Variants in BCAS3 observed in about 807,000 individuals in gnomAD.
BCAS3 encodes BCAS3 microtubule associated cell migration factor, also known as BCAS4/BCAS3 fusion.
Under a neutral mutation model 116.1 loss-of-function variants are expected in BCAS3, and 53 were observed. That is an observed-to-expected ratio of 0.46 (90% CI 0.37 to 0.57). BCAS3 has a LOEUF of 0.57. Ranked by LOEUF, BCAS3 falls within the 20% of genes least tolerant of loss-of-function variation. The pLI is 0.00. For missense variants in BCAS3, 917 were observed against 1,165.4 expected (o/e 0.79, Z 3.10); for synonymous variants, 391 against 408.2 (o/e 0.96, Z 0.51).
In BCAS3 at chr17:61,321,475, G is replaced by A. The variant is rs147020775; in HGVS notation, c.2426-46852G>A. On this transcript the variant is annotated intron_variant, in intron 22 of 23. Coordinates refer to ENST00000407086, the MANE Select transcript of BCAS3 (RefSeq NM_017679.5). ...GAAATGCATGAGCAAAAGCAGCAAT[G>A]GTGAGTGGCTGATGACCTCAAGAAG... is the stretch of plus-strand genomic sequence containing the variant. Among the ~76,000 whole-genome samples, 26 of 152,320 alleles carry A rather than the reference G, an allele frequency of 1.7e-4. No homozygotes were observed. The East Asian group carries it at 4.3e-3, about 25-fold the overall frequency.
At chr17:61,254,967 C>T (rs977656102) in intron 22 of BCAS3, among the ~76,000 whole-genome samples, 1 of 152,018 alleles carries the variant, frequency 6.6e-6, no homozygotes, top group African/African-American at 2.4e-5. Flanking sequence ...AAAATTCTGA[C>T]ATTGCCTGGT....
chr17:61,142,812 A>G (rs952154994), intron 22 of BCAS3, among the ~76,000 whole-genome samples: 5 of 152,308 alleles, frequency 3.3e-5, no homozygotes, highest in East Asian at 1.9e-4. Context: ...TGATGGATGC[A>G]TGGGTTTTAT....
In BCAS3 at chr17:61,241,084, ACT is replaced by A. The variant is rs1334306993; in HGVS notation, c.2426-127240_2426-127239del. On this transcript the variant is annotated intron_variant, in intron 22 of 23. Transcript: ENST00000407086. The surrounding 1 kb of genome is among the most constrained non-coding windows in gnomAD (Gnocchi z 4.6). ...CTCTCCATCACTTACCCTTCAAAAG[ACT>A]CTGAATAGCAATTACAATACAGTTA... is the stretch of plus-strand genomic sequence containing the variant. 2.6e-5 allele frequency among the ~76,000 whole-genome samples: 4 copies of A among 152,114 alleles called. No individual in the cohort carries two copies. Among genetic ancestry groups the A allele is most frequent in the Admixed American group, 1.3e-4 (2 of 15,274 alleles).
chr17:60,980,513 T>A (rs1028783551), intron 14 of BCAS3: 2 of 151,748 alleles, frequency 1.3e-5, no homozygotes, highest in African/African-American at 4.8e-5. Context: ...ATGGCTTTTT[T>A]AACTTTCTTA....
rs148155197 is a variant in BCAS3 at position 60,749,225 on chromosome 17, T to A, written c.403+1946T>A. On this transcript the variant is annotated intron_variant, in intron 6 of 23. Coordinates refer to ENST00000407086, the MANE Select transcript of BCAS3 (RefSeq NM_017679.5). Reference sequence around the variant, plus strand: ...TTGTCTGTCTTTATTCTTCCTTCACTCTTGATTGATTGTTTGGCTGGATAA... The same window carrying A: ...TTGTCTGTCTTTATTCTTCCTTCACACTTGATTGATTGTTTGGCTGGATAA... Among the ~76,000 whole-genome samples the A allele has an allele frequency of 4.8e-3, 736 of 152,356 alleles. 5 individuals carry two copies. The highest frequency in any genetic ancestry group is 0.016 in the South Asian group (79 of 4,830).
intron 15 of BCAS3, among the ~76,000 whole-genome samples, chr17:61,005,446 A>G (rs1473759880): frequency 6.6e-6 from 1 of 152,062 alleles, no homozygotes; most frequent in African/African-American, 2.4e-5. Flanking sequence ...GTGAATAGAA[A>G]AGGTTTTATC....
chr17:61,350,731 C>G (rs1469606692), intron 22 of BCAS3, among the ~76,000 whole-genome samples: 1 of 151,628 alleles, frequency 6.6e-6, no homozygotes, highest in Non-Finnish European at 1.5e-5. Context: ...CTCCCAGGCT[C>G]AAGTGATCCT....
intron 22 of BCAS3, among the ~76,000 whole-genome samples, chr17:61,177,766 C>T (rs1234554317): frequency 6.6e-6 from 1 of 152,170 alleles, no homozygotes; most frequent in Non-Finnish European, 1.5e-5. Context: ...ATTCTATATT[C>T]TGTTCAGCAG....
At chr17:60,921,925 G>T (rs1021886862) in intron 12 of BCAS3, among the ~76,000 whole-genome samples, 5 of 151,778 alleles carry the variant, frequency 3.3e-5, no homozygotes, top group African/African-American at 1.2e-4. Flanking sequence ...TTTCATTCAC[G>T]ATAAAAGGGT....
At chr17:60,818,013 C>G (rs1474450474) in intron 7 of BCAS3, among the ~76,000 whole-genome samples, 3 of 151,962 alleles carry the variant, frequency 2.0e-5, no homozygotes, top group Non-Finnish European at 4.4e-5. Context: ...CGCCACCATG[C>G]CCTGCTAATT....
rs2047767428 is a variant in BCAS3, at chr17:61,244,400, AC to A, written c.2426-123926del. On this transcript the variant is annotated intron_variant, in intron 22 of 23. Coordinates refer to ENST00000407086, the MANE Select transcript of BCAS3 (RefSeq NM_017679.5). The surrounding 1 kb of genome is among the most constrained non-coding windows in gnomAD (Gnocchi z 4.9). ...GTTTTCCTTTGCTTTTTTACTTAGCACTATATTGTGAATATCATGAACAAAG... is the reference window on the plus strand; with the variant it reads ...GTTTTCCTTTGCTTTTTTACTTAGCATATATTGTGAATATCATGAACAAAG... Among the ~76,000 whole-genome samples the A allele has an allele frequency of 6.6e-6, 1 of 152,218 alleles. No individual in the cohort carries two copies. The highest frequency in any genetic ancestry group is 1.5e-5 in the Non-Finnish European group (1 of 68,036).
In BCAS3 at chr17:61,026,890, T is replaced by C. The variant is rs1295085082; in HGVS notation, c.1638-7776T>C. On this transcript the variant is annotated intron_variant, in intron 16 of 23. Transcript: ENST00000407086. The surrounding 1 kb of genome is among the most constrained non-coding windows in gnomAD (Gnocchi z 5.0). The stretch of plus-strand genomic sequence containing the variant: ...GGCCTTATCTCTTTGGAGCGGGGTG[T>C]TTTTCCATAAAAGCCCCATGGTGAG... 6.2e-7 allele frequency: 1 copy of C among 1,602,002 alleles called. No homozygotes were observed. Among genetic ancestry groups the C allele is most frequent in the Non-Finnish European group, 8.5e-7 (1 of 1,173,512 alleles).
At chr17:60,824,098 C>G (rs1412924903) in intron 7 of BCAS3, among the ~76,000 whole-genome samples, 1 of 152,112 alleles carries the variant, frequency 6.6e-6, no homozygotes, top group African/African-American at 2.4e-5. Flanking sequence ...TTTTCTTTCT[C>G]TTGAGTAAAT....
rs2063486108 is a variant in BCAS3, at chr17:60,990,884, G to T, written c.1486+649G>T. ...GCTTGTCTTGAACTCCTGACCTTGT[G>T]ATCCACCTGCCTTGGCCTCCCAAAA... On this transcript the variant is annotated intron_variant, in intron 15 of 23. Coordinates refer to ENST00000407086, the MANE Select transcript of BCAS3 (RefSeq NM_017679.5). The surrounding 1 kb of genome is among the most constrained non-coding windows in gnomAD (Gnocchi z 5.1). Among the ~76,000 whole-genome samples the T allele has an allele frequency of 6.6e-6, 1 of 152,106 alleles. No homozygotes were observed. Among genetic ancestry groups the T allele is most frequent in the African/African-American group, 2.4e-5 (1 of 41,406 alleles).
Position 61,309,395 on chromosome 17 carries a change from C to A in BCAS3, c.2426-58932C>A, listed in dbSNP as rs8067121. Reference sequence around the variant, plus strand: ...AGCATGCCTGAGTACTGAACACTACCGTGTCACTCCCCATGTTGCCATTCT... The same window carrying A: ...AGCATGCCTGAGTACTGAACACTACAGTGTCACTCCCCATGTTGCCATTCT... On this transcript the variant is annotated intron_variant, in intron 22 of 23. Transcript: ENST00000407086. This position sits in a 1 kb window ranked among gnomAD's most constrained non-coding sequence, Gnocchi z 4.6. Among the ~76,000 whole-genome samples, 42,837 of 151,724 alleles carry A rather than the reference C, an allele frequency of 0.28. 7,926 individuals are homozygous for A. Among genetic ancestry groups the A allele is most frequent in the African/African-American group, 0.53 (21,779 of 41,324 alleles).
At chr17:60,813,427 T>C (rs527968290) in intron 7 of BCAS3, among the ~76,000 whole-genome samples, 5 of 152,334 alleles carry the variant, frequency 3.3e-5, no homozygotes, top group Admixed American at 3.3e-4. Flanking sequence ...TTGAGAAGTG[T>C]CTGTTAATGT....
intron 22 of BCAS3, among the ~76,000 whole-genome samples, chr17:61,207,484 A>AC (rs1459708834): frequency 6.6e-6 from 1 of 152,082 alleles, no homozygotes; most frequent in Non-Finnish European, 1.5e-5. Flanking sequence ...CTAGATTCAA[A>AC]CCAAGATGCC....
At position 60,947,283 on chromosome 17, in the gene BCAS3, T is replaced by C. The variant is rs575458591; in HGVS notation, c.1152T>C (p.His384=). 7 of 1,612,698 alleles carry C rather than the reference T, an allele frequency of 4.3e-6. No individual in the cohort carries two copies. The highest frequency in any genetic ancestry group is 5.9e-6 in the Non-Finnish European group (7 of 1,178,812). Residue 384 remains histidine, a synonymous_variant, in exon 14 of 24, where the codon CAT becomes CAC. Transcript: ENST00000407086. ...TTCATGTCTTCCAAATTCTGACTCATCCTTGGTCCTCATCACAATGTGCTG... is the reference window on the plus strand; with the variant it reads ...TTCATGTCTTCCAAATTCTGACTCACCCTTGGTCCTCATCACAATGTGCTG... ...HDFHVFQILT[H]PWSSSQCAVH... is the part of the protein sequence containing the mutation.
chr17:60,726,658 C>T (rs920705460), intron 5 of BCAS3, among the ~76,000 whole-genome samples: 5 of 151,948 alleles, frequency 3.3e-5, no homozygotes, highest in Non-Finnish European at 5.9e-5. Flanking sequence ...TACAGATGCC[C>T]GCCATCACGC....
Sources: gnomAD v4.1 joint callset for allele counts (sites outside exome capture counted in the v4.1 genomes callset) on GRCh38, gnomAD v4.1.1 for gene constraint, Gnocchi (gnomAD v3.1) non-coding constraint, MANE v1.5 for transcripts, NCBI Gene and HGNC (gene_info 2026-07-23, HGNC 2026-07-21) for gene names.